SKAP1: variants seen among roughly 807,000 people sequenced by gnomAD.
SKAP1 encodes src kinase-associated phosphoprotein 1.
In SKAP1, 44 loss-of-function variants were observed where a neutral mutation model predicts 58.5. The observed-to-expected ratio is 0.75, with a 90% CI of 0.59 to 0.97. The LOEUF is 0.97. Ranked by LOEUF, SKAP1 falls within the 50% of genes least tolerant of loss-of-function variation. The pLI, the probability that SKAP1 is intolerant of heterozygous loss-of-function variation, is 0.00. For missense variants in SKAP1, 390 were observed against 435.2 expected (o/e 0.90, Z 0.92); for synonymous variants, 127 against 149.7 (o/e 0.85, Z 1.11).
chr17:48,136,168 TTC>T (rs143065313), intron 12 of SKAP1, among the ~76,000 whole-genome samples: 20,809 of 150,412 alleles, frequency 0.14, 1,938 homozygotes, highest in Non-Finnish European at 0.2. Flanking sequence ...GGGTATGCTT[TTC>T]TCTCTCTTTT....
At position 48,170,625 on chromosome 17, in the gene SKAP1, GC is replaced by G; in HGVS notation, c.860del (p.Gly287AlafsTer7). The G allele has an allele frequency of 1.2e-6, 2 of 1,613,582 alleles. No homozygotes were observed. Among genetic ancestry groups the G allele is most frequent in the Non-Finnish European group, 1.7e-6 (2 of 1,179,802 alleles). On this transcript the variant is annotated frameshift_variant, in exon 10 of 13. Coordinates refer to ENST00000336915, the MANE Select transcript of SKAP1 (RefSeq NM_003726.4). LOFTEE classifies it high-confidence loss of function. The part of the protein sequence containing the change: ...EEHDLEEDES[G>X]TRRKGVDYAS... ...CTCTTATACCTCCTTTTCGTCGAGT[GC>G]CACTCTCATCCTCTTCTAGATCATG... is the stretch of plus-strand genomic sequence containing the variant.
intron 4 of SKAP1, among the ~76,000 whole-genome samples, chr17:48,300,243 C>T (rs964366238): frequency 6.6e-6 from 1 of 152,044 alleles, no homozygotes; most frequent in African/African-American, 2.4e-5. Context: ...CTTAGGTTGA[C>T]AGTAGAAGAC....
At chr17:48,155,418 A>G (rs1399088644) in intron 11 of SKAP1, among the ~76,000 whole-genome samples, 2 of 151,286 alleles carry the variant, frequency 1.3e-5, no homozygotes, top group Non-Finnish European at 2.9e-5. Context: ...ACGCCCTGCC[A>G]ACAAGCATTA....
At chr17:48,308,114 A>G (rs1224620460) in intron 4 of SKAP1, 1 of 152,210 alleles carries the variant, frequency 6.6e-6, no homozygotes, top group Non-Finnish European at 1.5e-5. Context: ...CATTATTTTC[A>G]TTGTGAAGTA....
chr17:48,399,753 C>T (rs2067471464), intron 1 of SKAP1, among the ~76,000 whole-genome samples: 5 of 141,502 alleles, frequency 3.5e-5, no homozygotes, highest in Admixed American at 3.0e-4. Flanking sequence ...CAGAGCAAGA[C>T]TCTTGTCTCA....
intron 2 of SKAP1, among the ~76,000 whole-genome samples, chr17:48,391,353 T>C (rs2067343060): frequency 6.6e-6 from 1 of 152,172 alleles, no homozygotes; most frequent in Non-Finnish European, 1.5e-5. Context: ...GGACAGAGAC[T>C]TGCCATAAAA....
intron 11 of SKAP1, 51 bp downstream of exon 11, chr17:48,162,418 A>G: frequency 1.5e-6 from 2 of 1,295,460 alleles, no homozygotes; most frequent in Non-Finnish European, 2.2e-6. Context: ...TGACTAAATC[A>G]AGAATGAAAA....
intron 2 of SKAP1, among the ~76,000 whole-genome samples, chr17:48,369,726 C>G (rs957253578): frequency 6.6e-6 from 1 of 152,096 alleles, no homozygotes; most frequent in African/African-American, 2.4e-5. Context: ...TGCCCATTTT[C>G]TAAATAAGAA....
At chr17:48,304,022 G>A (rs1425493256) in intron 4 of SKAP1, among the ~76,000 whole-genome samples, 1 of 152,108 alleles carries the variant, frequency 6.6e-6, no homozygotes, top group Non-Finnish European at 1.5e-5. Context: ...GAATGGCTGT[G>A]AGTTTTCAAG....
intron 1 of SKAP1, among the ~76,000 whole-genome samples, chr17:48,418,961 C>G (rs772579886): frequency 8.5e-5 from 13 of 152,076 alleles, no homozygotes; most frequent in Non-Finnish European, 1.8e-4. Flanking sequence ...GATAAGGTAT[C>G]TTGATCTGGG....
At chr17:48,231,798 TATATAACCTAGTGTTA>T (rs2065128818) in intron 4 of SKAP1, 1 of 152,222 alleles carries the variant, frequency 6.6e-6, no homozygotes, top group African/African-American at 2.4e-5. Flanking sequence ...AAGCAGGGAC[TATATAACCTAGTGTTA>T]ATAGATTCTT....
At chr17:48,165,399 CTTTCTTT>C (rs1439950394) in intron 10 of SKAP1, among the ~76,000 whole-genome samples, 1 of 144,316 alleles carries the variant, frequency 6.9e-6, no homozygotes, top group Non-Finnish European at 1.5e-5. Flanking sequence ...TTCTTTCTTT[CTTTCTTT>C]TTTTTTTTTT....
intron 11 of SKAP1, among the ~76,000 whole-genome samples, chr17:48,144,955 A>G (rs2063810728): frequency 6.6e-6 from 1 of 152,320 alleles, no homozygotes; most frequent in Middle Eastern, 3.4e-3. Flanking sequence ...TCACTATTCC[A>G]TAACTCTACA....
At chr17:48,412,997 T>C (rs1567905387) in intron 1 of SKAP1, among the ~76,000 whole-genome samples, 1 of 151,938 alleles carries the variant, frequency 6.6e-6, no homozygotes, top group Non-Finnish European at 1.5e-5. Context: ...TCATCCAGCT[T>C]TTTAAAAAAA....
intron 2 of SKAP1, among the ~76,000 whole-genome samples, chr17:48,364,334 GC>G (rs2066975379): frequency 6.6e-6 from 1 of 152,070 alleles, no homozygotes; most frequent in South Asian, 2.1e-4. Context: ...GCTCACTGCA[GC>G]CTCGAACTCC....
Position 48,269,405 on chromosome 17 carries a change from T to C in SKAP1, c.280+76500A>G, listed in dbSNP as rs1446016086. 3.9e-5 allele frequency among the ~76,000 whole-genome samples: 6 copies of C among 152,162 alleles called. No individual in the cohort carries two copies. In the East Asian group the frequency reaches 9.6e-4, roughly 24 times the overall value. ...CCACTAGATACACTAGAGACTGTTA[T>C]CTGTCTACACCAGGACTAGAGAATG... On this transcript the variant is annotated intron_variant, in intron 4 of 12. Transcript: ENST00000336915.
upstream of SKAP1, among the ~76,000 whole-genome samples, chr17:48,431,585 T>C (rs1425508611): frequency 2.0e-5 from 3 of 152,132 alleles, no homozygotes; most frequent in Non-Finnish European, 4.4e-5. Context: ...AATAGGAATG[T>C]TGAACTTAAT....
At chr17:48,290,676 C>A (rs1214558738) in intron 4 of SKAP1, among the ~76,000 whole-genome samples, 3 of 152,150 alleles carry the variant, frequency 2.0e-5, no homozygotes, top group African/African-American at 7.2e-5. Flanking sequence ...TATGTGAAGG[C>A]AGGGTTTTCC....
chr17:48,278,344 C>G (rs1290894213), intron 4 of SKAP1, among the ~76,000 whole-genome samples: 2 of 151,846 alleles, frequency 1.3e-5, no homozygotes, highest in African/African-American at 4.8e-5. Context: ...TAGTAGATGT[C>G]CGGTGTGTGT....
Sources: gnomAD v4.1 joint callset for allele counts (sites outside exome capture counted in the v4.1 genomes callset) on GRCh38, gnomAD v4.1.1 for gene constraint, MANE v1.5 for transcripts, NCBI Gene and HGNC (gene_info 2026-07-23, HGNC 2026-07-21) for gene names.